The following TMEM132D variants were observed in gnomAD, a reference collection of about 807,000 sequenced individuals.
TMEM132D encodes the protein mature OL transmembrane protein.
Under a neutral mutation model 62.3 loss-of-function variants are expected in TMEM132D, and 21 were observed. The ratio of observed to expected loss-of-function variants is 0.34; its 90% confidence interval spans 0.24 to 0.49. The LOEUF (loss-of-function observed/expected upper bound fraction) is 0.49, where lower values mean the gene tolerates loss of function less well. Ranked by LOEUF, TMEM132D falls within the 20% of genes least tolerant of loss-of-function variation. The pLI, the probability that TMEM132D is intolerant of heterozygous loss-of-function variation, is 0.99. For missense variants in TMEM132D, 1,346 were observed against 1,402.8 expected (o/e 0.96, Z 0.65); for synonymous variants, 621 against 575.6 (o/e 1.08, Z -1.13).
In TMEM132D at chr12:129,073,887, A is replaced by G. The variant is rs2135601231; in HGVS notation, c.3288T>C (p.His1096=). ...KELHNYMERL[H]ENV is the part of the protein sequence containing the mutation. ...GTGTGTGTCTGGCTTACACATTTTC[A>G]TGTAACCTCTCCATGTAGTTGTGCA... The change falls in exon 9 of 9, where the codon CAT becomes CAC. Residue 1096 remains histidine (H), a synonymous_variant. Coordinates refer to ENST00000422113, the MANE Select transcript of TMEM132D (RefSeq NM_133448.3). 6.5e-7 allele frequency: 1 copy of G among 1,537,632 alleles called. No homozygotes were observed. Among genetic ancestry groups the G allele is most frequent in the Non-Finnish European group, 8.7e-7 (1 of 1,144,578 alleles).
intron 1 of TMEM132D, among the ~76,000 whole-genome samples, chr12:129,790,754 C>T (rs1222929848): frequency 6.6e-6 from 1 of 152,200 alleles, no homozygotes; most frequent in Non-Finnish European, 1.5e-5. Flanking sequence ...CACCAGGGAT[C>T]CACCCTCCTC....
intron 3 of TMEM132D, among the ~76,000 whole-genome samples, chr12:129,447,332 G>A (rs1404937129): frequency 6.6e-6 from 1 of 152,126 alleles, no homozygotes. Context: ...CAATTCACTT[G>A]CTTTCTTTAC....
chr12:129,335,870 G>C (rs1869255635), intron 4 of TMEM132D, among the ~76,000 whole-genome samples: 1 of 152,188 alleles, frequency 6.6e-6, no homozygotes. Flanking sequence ...TTGGATTCTT[G>C]TAAAGTTCTT....
At chr12:129,596,874 T>G (rs921838100) in intron 2 of TMEM132D, among the ~76,000 whole-genome samples, 8 of 152,080 alleles carry the variant, frequency 5.3e-5, no homozygotes, top group African/African-American at 1.9e-4. Context: ...GGTAGGAAAT[T>G]CTGTGATTGT....
chr12:129,373,327 C>A (rs1219853462), intron 3 of TMEM132D, among the ~76,000 whole-genome samples: 1 of 152,106 alleles, frequency 6.6e-6, no homozygotes, highest in Non-Finnish European at 1.5e-5. Context: ...CTCTGAGAAT[C>A]ATAATTTTGT....
At chr12:129,755,075 T>C (rs1870121356) in intron 1 of TMEM132D, among the ~76,000 whole-genome samples, 1 of 152,250 alleles carries the variant, frequency 6.6e-6, no homozygotes, top group South Asian at 2.1e-4. Flanking sequence ...TATTTCATTA[T>C]CTAGGAGAAA....
intron 1 of TMEM132D, among the ~76,000 whole-genome samples, chr12:129,819,909 G>T (rs1002919980): frequency 2.0e-5 from 3 of 152,084 alleles, no homozygotes; most frequent in Non-Finnish European, 2.9e-5. Context: ...CAGTGTCCTG[G>T]AGCTGAGGCT....
At chr12:129,314,087 G>A (rs1363088737) in intron 4 of TMEM132D, among the ~76,000 whole-genome samples, 3 of 152,060 alleles carry the variant, frequency 2.0e-5, no homozygotes, top group Non-Finnish European at 1.5e-5. Context: ...TGAGTTTGTT[G>A]TAGATTCTGG....
chr12:129,339,337 G>A (rs1255253765), intron 3 of TMEM132D, among the ~76,000 whole-genome samples: 3 of 98,314 alleles, frequency 3.1e-5, no homozygotes, highest in Non-Finnish European at 6.9e-5. Context: ...AAAGAGGAGG[G>A]GAAGGAGGGG....
intron 1 of TMEM132D, among the ~76,000 whole-genome samples, chr12:129,723,706 G>A (rs1262091681): frequency 6.6e-6 from 1 of 152,184 alleles, no homozygotes; most frequent in Non-Finnish European, 1.5e-5. Context: ...ATACCTCACA[G>A]TCCTTCTTAT....
chr12:129,749,716 C>T (rs1034471011), intron 1 of TMEM132D, among the ~76,000 whole-genome samples: 67 of 152,188 alleles, frequency 4.4e-4, no homozygotes, highest in African/African-American at 1.5e-3. Flanking sequence ...CTGCCCGCCT[C>T]GGCCTCCCAA....
rs200987224 is a variant in TMEM132D, at chr12:129,736,272, T to C, written c.80-35574A>G. ...TGTGATACTTCTTTTTTATGGTACA[T>C]AGAACTATTTTCTCTTGATGTTGGT... On this transcript the variant is annotated intron_variant, in intron 1 of 8. Coordinates refer to ENST00000422113, the MANE Select transcript of TMEM132D (RefSeq NM_133448.3). 5.9e-5 allele frequency among the ~76,000 whole-genome samples: 9 copies of C among 152,336 alleles called. No individual in the cohort carries two copies. The East Asian group carries it at 1.5e-3, about 26-fold the overall frequency.
intron 3 of TMEM132D, among the ~76,000 whole-genome samples, chr12:129,484,880 C>T (rs1874537023): frequency 6.6e-6 from 1 of 152,182 alleles, no homozygotes; most frequent in Non-Finnish European, 1.5e-5. Flanking sequence ...GCAGTGATTA[C>T]AAAACAATGA....
At position 129,551,743 on chromosome 12, in the gene TMEM132D, T is replaced by C. The variant is rs537266905; in HGVS notation, c.969-20538A>G. 4.6e-5 allele frequency among the ~76,000 whole-genome samples: 7 copies of C among 152,346 alleles called. No homozygotes were observed. The South Asian group carries it at 1.4e-3, about 32-fold the overall frequency. ...AATTCATTTCATTGTATTACCTGCCTGTCTCACTGAAGGTCATAGAGTTGG... is the reference window on the plus strand; with the variant it reads ...AATTCATTTCATTGTATTACCTGCCCGTCTCACTGAAGGTCATAGAGTTGG... On this transcript the variant is annotated intron_variant, in intron 2 of 8. Coordinates refer to ENST00000422113, the MANE Select transcript of TMEM132D (RefSeq NM_133448.3).
intron 5 of TMEM132D, among the ~76,000 whole-genome samples, chr12:129,186,093 C>T (rs569844912): frequency 6.6e-6 from 1 of 152,152 alleles, no homozygotes; most frequent in Non-Finnish European, 1.5e-5. Flanking sequence ...TCTGCCAGAC[C>T]CTTCCATTAG....
At chr12:129,118,629 C>G (rs140991862) in intron 5 of TMEM132D, among the ~76,000 whole-genome samples, 8 of 152,292 alleles carry the variant, frequency 5.3e-5, no homozygotes, top group African/African-American at 9.6e-5. Flanking sequence ...CAATTAACAT[C>G]AAAGCAAAAC....
intron 3 of TMEM132D, among the ~76,000 whole-genome samples, chr12:129,422,281 G>A (rs899866577): frequency 6.6e-6 from 1 of 152,012 alleles, no homozygotes; most frequent in Admixed American, 6.6e-5. Context: ...AGAAAGAGGG[G>A]TATATTATTG....
chr12:129,901,863 C>A (rs1320932645), intron 1 of TMEM132D, among the ~76,000 whole-genome samples: 2 of 141,484 alleles, frequency 1.4e-5, no homozygotes, highest in Non-Finnish European at 3.0e-5. Flanking sequence ...GAGAACCAAC[C>A]CCCCCCGCCC....
intron 5 of TMEM132D, among the ~76,000 whole-genome samples, chr12:129,097,824 A>C (rs1875165222): frequency 6.6e-6 from 1 of 152,244 alleles, no homozygotes; most frequent in South Asian, 2.1e-4. Flanking sequence ...TTATGTCAAA[A>C]ACACATATTT....
Sources: allele counts gnomAD v4.1 joint callset (sites outside exome capture counted in the v4.1 genomes callset), GRCh38; gene constraint gnomAD v4.1.1; transcripts MANE v1.5; gene names NCBI Gene and HGNC (gene_info 2026-07-23, HGNC 2026-07-21).